C10orf90: variants seen among roughly 807,000 people sequenced by gnomAD.
C10orf90 encodes chromosome 10 open reading frame 90.
A neutral mutation model predicts 62.5 loss-of-function variants in C10orf90; 56 were observed. The observed-to-expected ratio is 0.90, with a 90% CI of 0.72 to 1.12. The LOEUF is 1.12. C10orf90 is among the 50% of genes most tolerant of loss of function. C10orf90 has a pLI of 0.00. For missense variants in C10orf90, 970 were observed against 880.4 expected (o/e 1.10, Z -1.29); for synonymous variants, 386 against 340.4 (o/e 1.13, Z -1.47).
At chr10:126,430,387 G>T (rs976268300) in intron 7 of C10orf90, among the ~76,000 whole-genome samples, 2 of 152,174 alleles carry the variant, frequency 1.3e-5, no homozygotes, top group Admixed American at 1.3e-4. Context: ...AATCATGTAT[G>T]CTCAGTATCC....
chr10:126,593,485 G>A (rs1198477463), intron 2 of C10orf90, among the ~76,000 whole-genome samples: 1 of 152,138 alleles, frequency 6.6e-6, no homozygotes, highest in African/African-American at 2.4e-5. Flanking sequence ...GGAACTGAAT[G>A]ATGAGGACAC....
chr10:126,513,143 CATACTGTAA>C (rs889086762), intron 3 of C10orf90, among the ~76,000 whole-genome samples: 6 of 152,100 alleles, frequency 3.9e-5, no homozygotes, highest in Admixed American at 2.0e-4. Flanking sequence ...TGAGAAAGTC[CATACTGTAA>C]ATCTGGTTAA....
intron 2 of C10orf90, among the ~76,000 whole-genome samples, chr10:126,541,264 G>A (rs1864369422): frequency 6.6e-6 from 1 of 151,778 alleles, no homozygotes; most frequent in Admixed American, 6.6e-5. Context: ...GGATGTTACT[G>A]GAAAATAAAT....
intron 2 of C10orf90, among the ~76,000 whole-genome samples, chr10:126,636,843 A>G (rs767397440): frequency 6.6e-6 from 1 of 152,204 alleles, no homozygotes; most frequent in Admixed American, 6.5e-5. Context: ...TCCATGCCTT[A>G]TTAACAATAT....
chr10:126,465,101 G>T, intron 4 of C10orf90, 115 bp from the exon 5 acceptor site: 2 of 1,089,558 alleles, frequency 1.8e-6, no homozygotes, highest in African/African-American at 1.6e-5. Flanking sequence ...GTACAGCACT[G>T]CAAGTTCAGT....
chr10:126,579,265 T>C (rs1591116417), intron 2 of C10orf90, among the ~76,000 whole-genome samples: 1 of 129,098 alleles, frequency 7.7e-6, no homozygotes, highest in Non-Finnish European at 1.7e-5. Flanking sequence ...ATTTCTTTCT[T>C]TCTTTCTTTC....
intron 1 of C10orf90, among the ~76,000 whole-genome samples, chr10:126,649,018 CTCTCTCTCTG>C (rs1846226284): frequency 1.2e-5 from 1 of 83,346 alleles, no homozygotes; most frequent in African/African-American, 4.5e-5. Flanking sequence ...TGATATCTCT[CTCTCTCTCTG>C]TCTCTGTCTC....
intron 2 of C10orf90, among the ~76,000 whole-genome samples, chr10:126,547,991 T>C (rs917715127): frequency 6.6e-6 from 1 of 152,154 alleles, no homozygotes; most frequent in African/African-American, 2.4e-5. Flanking sequence ...TTAAAACTTT[T>C]GAAATTTGAA....
rs200996641 is a variant in C10orf90, at chr10:126,494,513, A to AT, written c.1534+9443dup. Among the ~76,000 whole-genome samples the AT allele has an allele frequency of 6.3e-3, 961 of 152,106 alleles. 10 individuals carry two copies. The highest frequency in any genetic ancestry group is 0.022 in the African/African-American group (909 of 41,482). On this transcript the variant is annotated intron_variant, in intron 4 of 9. Transcript: ENST00000488181. Reference sequence around the variant, plus strand: ...ACTCTGGAAAAAAGAAAGAATTTAGATTTTTTTTCCTGTGGGGCGCACATG... The same window carrying AT: ...ACTCTGGAAAAAAGAAAGAATTTAGATTTTTTTTTCCTGTGGGGCGCACATG...
chr10:126,555,597 T>G (rs1864747249), intron 2 of C10orf90, among the ~76,000 whole-genome samples: 1 of 151,800 alleles, frequency 6.6e-6, no homozygotes, highest in South Asian at 2.1e-4. Flanking sequence ...GAGAATCGCT[T>G]GAACCTGGGA....
intron 2 of C10orf90, among the ~76,000 whole-genome samples, chr10:126,612,432 A>G (rs1193521484): frequency 1.3e-5 from 2 of 152,136 alleles, no homozygotes; most frequent in Admixed American, 6.5e-5. Context: ...ATTGGATGGC[A>G]TGAAAGGAGG....
At chr10:126,524,459 G>C (rs560167135) in intron 2 of C10orf90, 1 of 220,888 alleles carries the variant, frequency 4.5e-6, no homozygotes, top group South Asian at 1.6e-4. Context: ...TGAGGCCTGG[G>C]TAGCGGGGAC....
At chr10:126,576,717 A>ATATATGT (rs1354426352) in intron 2 of C10orf90, among the ~76,000 whole-genome samples, 2 of 42,156 alleles carry the variant, frequency 4.7e-5, no homozygotes, top group Non-Finnish European at 9.9e-5. Flanking sequence ...ATATATATAC[A>ATATATGT]AGATATACAT....
intron 2 of C10orf90, among the ~76,000 whole-genome samples, chr10:126,560,810 G>A (rs1864883379): frequency 6.6e-6 from 1 of 152,180 alleles, no homozygotes; most frequent in Non-Finnish European, 1.5e-5. Flanking sequence ...GGGCGTGGAT[G>A]CATTCCAACA....
intron 7 of C10orf90, among the ~76,000 whole-genome samples, chr10:126,454,995 G>A (rs1415042016): frequency 2.0e-5 from 3 of 151,792 alleles, no homozygotes; most frequent in Admixed American, 6.6e-5. Context: ...GGCATGCCTG[G>A]GTGTCAGCCT....
chr10:126,536,965 A>G (rs1478242716), intron 2 of C10orf90, among the ~76,000 whole-genome samples: 1 of 152,202 alleles, frequency 6.6e-6, no homozygotes, highest in Admixed American at 6.5e-5. Flanking sequence ...AAAAATAAAG[A>G]GGACTGTAAG....
intron 4 of C10orf90, among the ~76,000 whole-genome samples, chr10:126,468,105 C>T (rs750509480): frequency 4.0e-5 from 6 of 149,184 alleles, no homozygotes; most frequent in Middle Eastern, 3.5e-3. Flanking sequence ...GACAGAGTCT[C>T]GTTCTGTCAC....
intron 2 of C10orf90, among the ~76,000 whole-genome samples, chr10:126,514,177 C>T (rs1010691679): frequency 3.9e-5 from 6 of 152,106 alleles, no homozygotes; most frequent in Non-Finnish European, 7.4e-5. Flanking sequence ...TCCATATGAT[C>T]GTTTGTGTCC....
rs200126332 is a variant in C10orf90 at position 126,504,340 on chromosome 10, C to T, written c.1151G>A (p.Arg384Lys). ...ATTGAGGTTGAGCGACAGGACGGAT[C>T]TGTGCATTTTGGGGCTGGCAATTTG... ...PPQIASPKMHRSVLSLNLNCS... is the reference protein window; with the variant it reads ...PPQIASPKMHKSVLSLNLNCS... The change falls in exon 4 of 10, where the codon AGA becomes AAA. Residue 384 changes from arginine (R) to lysine (K), a missense_variant. By Grantham distance (26) the Arg-to-Lys change is conservative. Coordinates refer to ENST00000488181, the MANE Select transcript of C10orf90 (RefSeq NM_001350921.2). The surrounding 1 kb of genome is among the most constrained non-coding windows in gnomAD (Gnocchi z 4.1). 2.7e-5 allele frequency: 43 copies of T among 1,614,162 alleles called. No homozygotes were observed. Among genetic ancestry groups the T allele is most frequent in the Non-Finnish European group, 2.2e-5 (26 of 1,180,046 alleles).
Sources: gnomAD v4.1 joint callset for allele counts (sites outside exome capture counted in the v4.1 genomes callset) on GRCh38, gnomAD v4.1.1 for gene constraint, Gnocchi (gnomAD v3.1) non-coding constraint, MANE v1.5 for transcripts, NCBI Gene and HGNC (gene_info 2026-07-23, HGNC 2026-07-21) for gene names.